Variants in NAT10 observed in about 807,000 individuals in gnomAD.
The protein encoded by NAT10 is RNA cytidine acetyltransferase.
In NAT10, 109 loss-of-function variants were observed where a neutral mutation model predicts 132.2. The observed-to-expected ratio is 0.82, with a 90% CI of 0.71 to 0.97. The LOEUF is 0.97. NAT10 is among the 50% of genes least tolerant of loss of function. The pLI, the probability that NAT10 is intolerant of heterozygous loss-of-function variation, is 0.00. For missense variants in NAT10, 1,184 were observed against 1,263.4 expected (o/e 0.94, Z 0.95); for synonymous variants, 479 against 478.0 (o/e 1.00, Z -0.03).
intron 1 of NAT10, chr11:34,107,320 G>A (rs1303580318): frequency 6.6e-6 from 1 of 152,188 alleles, no homozygotes; most frequent in Non-Finnish European, 1.5e-5. Context: ...AACTTTTGAG[G>A]TCTGTCTGTA....
At chr11:34,122,813 A>T (rs954236915) in intron 9 of NAT10, among the ~76,000 whole-genome samples, 4 of 152,240 alleles carry the variant, frequency 2.6e-5, no homozygotes, top group African/African-American at 7.2e-5. Context: ...ACACAGACAC[A>T]TATATACCAG....
At position 34,131,858 on chromosome 11, in the gene NAT10, G is replaced by T. The variant is rs568437122; in HGVS notation, c.1521-267G>T. Among the ~76,000 whole-genome samples the T allele has an allele frequency of 1.1e-4, 16 of 151,824 alleles. No individual in the cohort carries two copies. The East Asian group carries it at 1.4e-3, about 13-fold the overall frequency. ...CAGCCACCACGTCTGGCTAATTTTT[G>T]TATTTTTAGTAGAGACAGGGTTTCA... On this transcript the variant is annotated intron_variant, in intron 14 of 28. Coordinates refer to ENST00000257829, the MANE Select transcript of NAT10 (RefSeq NM_024662.3).
At chr11:34,139,520 A>T in intron 23 of NAT10, 25 bp downstream of exon 23, 2 of 1,598,110 alleles carry the variant, frequency 1.3e-6, no homozygotes, top group Non-Finnish European at 1.7e-6. Flanking sequence ...GACAGGGAGG[A>T]GGGTTGGGAA....
At chr11:34,107,028 G>T (rs1851605869) in intron 1 of NAT10, 1 of 114,356 alleles carries the variant, frequency 8.7e-6, no homozygotes, top group African/African-American at 3.3e-5. Flanking sequence ...GGTAATCACA[G>T]AACTTTTTTT....
At chr11:34,141,642 C>A in intron 25 of NAT10, 77 bp from the exon 26 acceptor site, 1 of 1,298,366 alleles carries the variant, frequency 7.7e-7, no homozygotes, top group East Asian at 2.3e-5. Context: ...CTATAAGACA[C>A]CAAGTGTCTG....
chr11:34,117,425 C>T (rs1565108903), intron 6 of NAT10, among the ~76,000 whole-genome samples: 1 of 152,098 alleles, frequency 6.6e-6, no homozygotes, highest in Non-Finnish European at 1.5e-5. Context: ...TGCTGCTGAA[C>T]AACTGGTGGT....
chr11:34,109,110 A>G (rs753374983), intron 3 of NAT10, among the ~76,000 whole-genome samples: 2 of 152,108 alleles, frequency 1.3e-5, no homozygotes, highest in South Asian at 2.1e-4. Flanking sequence ...AGTTCCTTCA[A>G]ACTGTCTTTC....
chr11:34,146,411 A>T lies in NAT10; in HGVS notation c.*219A>T, dbSNP rs1308090894. On this transcript the variant is annotated 3_prime_UTR_variant, in exon 29 of 29. Transcript: ENST00000257829. ...TAGAACTTGATGGCTGGGCACTGCCATCTCTAGAATTGCCACGAGTCTCTC... is the reference window on the plus strand; with the variant it reads ...TAGAACTTGATGGCTGGGCACTGCCTTCTCTAGAATTGCCACGAGTCTCTC... 2.3e-6 allele frequency: 1 copy of T among 443,800 alleles called. No individual in the cohort carries two copies. Among genetic ancestry groups the T allele is most frequent in the Non-Finnish European group, 4.0e-6 (1 of 248,968 alleles). The allele number at this position is 443,800 out of a possible 1,614,324, so 27.5% of individuals were successfully genotyped here.
chr11:34,133,961 G>T (rs934160041), intron 16 of NAT10, among the ~76,000 whole-genome samples: 4 of 151,146 alleles, frequency 2.6e-5, no homozygotes, highest in African/African-American at 4.9e-5. Context: ...GACCATCCTG[G>T]CTAACACGGT....
chr11:34,117,849 C>G (rs556315726), intron 6 of NAT10, among the ~76,000 whole-genome samples: 1 of 152,114 alleles, frequency 6.6e-6, no homozygotes, highest in East Asian at 1.9e-4. Context: ...TAAGGATGGC[C>G]TGAAACACCT....
At position 34,133,055 on chromosome 11, in the gene NAT10, C is replaced by T. The variant is rs577046723; in HGVS notation, c.1647C>T (p.Ser549=). The change falls in exon 16 of 29, where the codon TCC becomes TCT. Residue 549 remains serine (S), a synonymous_variant. Transcript: ENST00000257829. ...KNSPNDLQML[S]DAPAHHLFCL... ...CTCCCAATGATCTCCAGATGCTCTC[C>T]GATGCACCTGCTCACCATCTCTTCT... The T allele has an allele frequency of 4.2e-5, 67 of 1,614,080 alleles. No individual in the cohort carries two copies. The highest frequency in any genetic ancestry group is 2.5e-4 in the Admixed American group (15 of 60,012).
chr11:34,112,301 C>G, intron 4 of NAT10, 78 bp downstream of exon 4: 1 of 1,527,904 alleles, frequency 6.5e-7, no homozygotes, highest in Non-Finnish European at 9.0e-7. Flanking sequence ...CCACTGGGAA[C>G]AGATGTACAG....
At chr11:34,131,089 C>G in intron 13 of NAT10, 152 bp downstream of exon 13, 1 of 1,244,672 alleles carries the variant, frequency 8.0e-7, no homozygotes, top group South Asian at 1.5e-5. Flanking sequence ...TAGCTTTTTT[C>G]GGAGGAACAG....
chr11:34,120,711 A>G (rs1038849151), intron 8 of NAT10, among the ~76,000 whole-genome samples: 19 of 152,222 alleles, frequency 1.2e-4, no homozygotes, highest in African/African-American at 4.6e-4. Context: ...TCCTAGTGAG[A>G]TGAGACAGTC....
intron 8 of NAT10, among the ~76,000 whole-genome samples, chr11:34,119,806 C>T (rs1016162959): frequency 6.6e-6 from 1 of 152,150 alleles, no homozygotes; most frequent in East Asian, 1.9e-4. Flanking sequence ...CCAGCATTTC[C>T]ACTGTTAGAA....
chr11:34,141,072 G>C lies in NAT10; in HGVS notation c.2593-17G>C. 6.2e-7 allele frequency: 1 copy of C among 1,613,964 alleles called. No individual in the cohort carries two copies. Among genetic ancestry groups the C allele is most frequent in the South Asian group, 1.1e-5 (1 of 91,070 alleles). On this transcript the variant is annotated splice_polypyrimidine_tract_variant and intron_variant, in intron 24 of 28. Transcript: ENST00000257829. Reference sequence around the variant, plus strand: ...GCGTGTCCTAGAGGCCCACCCAGCAGATTTTCCATCCTTTAGGCTCTTCTC... The same window carrying C: ...GCGTGTCCTAGAGGCCCACCCAGCACATTTTCCATCCTTTAGGCTCTTCTC...
Position 34,146,457 on chromosome 11 carries a change from C to T in NAT10, c.*265C>T. ...CTCTCTCTTCCTGCCCAGTCCAGGGCCCTCCTTTCCTATAAGTTCATATTT... is the reference window on the plus strand; with the variant it reads ...CTCTCTCTTCCTGCCCAGTCCAGGGTCCTCCTTTCCTATAAGTTCATATTT... On this transcript the variant is annotated 3_prime_UTR_variant, in exon 29 of 29. Coordinates refer to ENST00000257829, the MANE Select transcript of NAT10 (RefSeq NM_024662.3). 1 of 306,876 alleles carries T rather than the reference C, an allele frequency of 3.3e-6. No individual in the cohort carries two copies. Among genetic ancestry groups the T allele is most frequent in the Admixed American group, 4.7e-5 (1 of 21,070 alleles). The allele number at this position is 306,876 out of a possible 1,614,324, so 19.0% of individuals were successfully genotyped here.
At chr11:34,135,102 A>G in intron 18 of NAT10, 73 bp from the exon 19 acceptor site, 11 of 1,179,492 alleles carry the variant, frequency 9.3e-6, no homozygotes, top group Non-Finnish European at 1.4e-5. Context: ...GAAGCAATGC[A>G]GGGGAGTCAC....
chr11:34,139,350 C>G lies in NAT10; in HGVS notation c.2309-35C>G, dbSNP rs1399143326. ...TGATTGGGGGCTGCCGGGGATGCCT[C>G]CAGACCTCTAACTCTGCGTGATGGC... On this transcript the variant is annotated intron_variant, in intron 22 of 28. Transcript: ENST00000257829. The G allele has an allele frequency of 3.7e-6, 6 of 1,612,544 alleles. No individual in the cohort carries two copies. The East Asian group carries it at 1.3e-4, about 36-fold the overall frequency.
Sources: allele counts gnomAD v4.1 joint callset (sites outside exome capture counted in the v4.1 genomes callset), GRCh38; gene constraint gnomAD v4.1.1; transcripts MANE v1.5; gene names NCBI Gene and HGNC (gene_info 2026-07-23, HGNC 2026-07-21).